Variants in WDPCP observed in about 807,000 individuals in gnomAD.
WDPCP encodes the protein WD repeat containing planar cell polarity effector, also known as WD repeat-containing and planar cell polarity effector protein fritz homolog.
In WDPCP, 71 loss-of-function variants were observed where a neutral mutation model predicts 93.1. That is an observed-to-expected ratio of 0.76 (90% CI 0.63 to 0.93). The LOEUF (loss-of-function observed/expected upper bound fraction) is 0.93, where lower values mean the gene tolerates loss of function less well. Ranked by LOEUF, WDPCP falls within the 40% of genes least tolerant of loss-of-function variation. The pLI, the probability that WDPCP is intolerant of heterozygous loss-of-function variation, is 0.00. For synonymous variants in WDPCP, 315 were observed against 315.0 expected, an observed-to-expected ratio of 1.00 and a Z score of 0.00; for missense variants, 844 against 887.4, an observed-to-expected ratio of 0.95 and a Z score of 0.62.
At chr2:63,243,758 T>C (rs888913111) in intron 14 of WDPCP, among the ~76,000 whole-genome samples, 8 of 151,946 alleles carry the variant, frequency 5.3e-5, no homozygotes, top group African/African-American at 9.7e-5. Context: ...ACAATAATAA[T>C]GGGGGACTTC....
intron 7 of WDPCP, among the ~76,000 whole-genome samples, chr2:63,438,873 C>T (rs950354200): frequency 6.6e-6 from 1 of 152,028 alleles, no homozygotes; most frequent in Non-Finnish European, 1.5e-5. Context: ...TTCAATCTTT[C>T]ATGATAATAC....
chr2:63,420,829 G>C (rs2105349593), intron 9 of WDPCP, among the ~76,000 whole-genome samples: 2 of 152,248 alleles, frequency 1.3e-5, no homozygotes, highest in South Asian at 4.1e-4. Context: ...AACTGCTGTA[G>C]AGCATTCCAC....
intron 2 of WDPCP, among the ~76,000 whole-genome samples, chr2:63,699,777 A>T (rs892351100): frequency 6.6e-6 from 1 of 152,208 alleles, no homozygotes; most frequent in Non-Finnish European, 1.5e-5. Context: ...CGATTGTAAC[A>T]TGCACTCTGA....
rs569149884 is a variant in WDPCP at position 63,567,055 on chromosome 2, A to G, written c.75+21142T>C. 7.2e-4 allele frequency among the ~76,000 whole-genome samples: 109 copies of G among 152,286 alleles called. 2 individuals carry two copies. In the South Asian group the frequency reaches 0.021, roughly 30 times the overall value. On this transcript the variant is annotated intron_variant, in intron 1 of 17. Transcript: ENST00000272321. ...GGAGAAAGGTTAGGACAGGGCTTCT[A>G]TGCCTTCTACTGGCTTGCCACCCTC...
intron 1 of WDPCP, among the ~76,000 whole-genome samples, chr2:63,510,059 G>A (rs1304321047): frequency 6.6e-6 from 1 of 151,780 alleles, no homozygotes; most frequent in Non-Finnish European, 1.5e-5. Flanking sequence ...GAAAAAAAAA[G>A]CAACTCCTCC....
intron 10 of WDPCP, among the ~76,000 whole-genome samples, chr2:63,399,811 T>G (rs529284900): frequency 7.6e-4 from 115 of 152,250 alleles, no homozygotes; most frequent in African/African-American, 2.6e-3. Flanking sequence ...CATTTTTTTC[T>G]TGAACAATAT....
intron 12 of WDPCP, among the ~76,000 whole-genome samples, chr2:63,363,373 C>A (rs1012968086): frequency 1.3e-5 from 2 of 152,050 alleles, no homozygotes; most frequent in Non-Finnish European, 2.9e-5. Context: ...CAGAGTTAGG[C>A]AGAATGCTTG....
intron 17 of WDPCP, among the ~76,000 whole-genome samples, chr2:63,130,417 T>C (rs1236979392): frequency 4.6e-5 from 7 of 152,134 alleles, no homozygotes; most frequent in Non-Finnish European, 1.0e-4. Flanking sequence ...AAATCATTTA[T>C]CCACATACAC....
At chr2:63,171,524 G>C (rs1673389327) in intron 15 of WDPCP, among the ~76,000 whole-genome samples, 1 of 152,078 alleles carries the variant, frequency 6.6e-6, no homozygotes, top group Non-Finnish European at 1.5e-5. Flanking sequence ...AAAAAACATT[G>C]ACAATATTAA....
chr2:63,293,163 T>C (rs1424181390), intron 13 of WDPCP, among the ~76,000 whole-genome samples: 1 of 152,156 alleles, frequency 6.6e-6, no homozygotes, highest in African/African-American at 2.4e-5. Flanking sequence ...TGTGCTCTCA[T>C]TACCCCCTTC....
intron 14 of WDPCP, among the ~76,000 whole-genome samples, chr2:63,185,608 G>A (rs1188556749): frequency 6.6e-6 from 1 of 152,144 alleles, no homozygotes; most frequent in Non-Finnish European, 1.5e-5. Flanking sequence ...TGAAGCCAGG[G>A]TTATAGGTCA....
chr2:63,663,915 G>A (rs1271060694), intron 2 of WDPCP, among the ~76,000 whole-genome samples: 2 of 152,044 alleles, frequency 1.3e-5, no homozygotes, highest in Non-Finnish European at 2.9e-5. Flanking sequence ...GAGAAGTCAA[G>A]AGGGCATTTT....
chr2:63,538,360 A>G (rs2106287891), intron 1 of WDPCP, among the ~76,000 whole-genome samples: 2 of 152,316 alleles, frequency 1.3e-5, no homozygotes, highest in South Asian at 4.1e-4. Flanking sequence ...GTGTAGAAAA[A>G]GAAGAAACAC....
intron 1 of WDPCP, among the ~76,000 whole-genome samples, chr2:63,823,199 C>CAAA (rs535622796): frequency 1.7e-5 from 2 of 117,290 alleles, no homozygotes; most frequent in Non-Finnish European, 1.8e-5. Context: ...AAGTTTCACC[C>CAAA]AAAAAAAAAA....
At chr2:63,297,106 G>T (rs747398243) in intron 13 of WDPCP, among the ~76,000 whole-genome samples, 19 of 152,178 alleles carry the variant, frequency 1.2e-4, no homozygotes, top group Non-Finnish European at 2.2e-4. Flanking sequence ...GAGACCCGGA[G>T]CCAGCAAACG....
At chr2:63,751,834 G>A in intron 2 of WDPCP, 1 of 672,966 alleles carries the variant, frequency 1.5e-6, no homozygotes, top group Non-Finnish European at 2.8e-6. Flanking sequence ...TCCAAAATTT[G>A]AAGACTAATT....
chr2:63,189,317 G>A (rs1674868465), intron 14 of WDPCP, among the ~76,000 whole-genome samples: 2 of 152,114 alleles, frequency 1.3e-5, no homozygotes. Flanking sequence ...TATTTCTTCT[G>A]TTCCAAGGGA....
intron 2 of WDPCP, among the ~76,000 whole-genome samples, chr2:63,711,899 G>A (rs568999861): frequency 2.0e-5 from 3 of 152,274 alleles, no homozygotes; most frequent in African/African-American, 7.2e-5. Context: ...TGGAGAAACC[G>A]GGCCCTCCCA....
At chr2:63,407,594 C>CT (rs1257537415) in intron 9 of WDPCP, among the ~76,000 whole-genome samples, 2 of 152,226 alleles carry the variant, frequency 1.3e-5, no homozygotes, top group Admixed American at 1.3e-4. Context: ...CCTACACACT[C>CT]TGTTTGTCCT....
Sources: allele counts gnomAD v4.1 joint callset (sites outside exome capture counted in the v4.1 genomes callset), GRCh38; gene constraint gnomAD v4.1.1; transcripts MANE v1.5; gene names NCBI Gene and HGNC (gene_info 2026-07-23, HGNC 2026-07-21).